The following PON3 variants were observed in gnomAD, a reference collection of about 807,000 sequenced individuals.
PON3 encodes the protein serum paraoxonase/lactonase 3.
A neutral mutation model predicts 36.3 loss-of-function variants in PON3; 37 were observed. The ratio of observed to expected loss-of-function variants is 1.02; its 90% CI spans 0.78 to 1.34. The LOEUF (loss-of-function observed/expected upper bound fraction) is 1.34. PON3 is among the 40% of genes most tolerant of loss of function. The probability of loss-of-function intolerance (pLI) is 0.00; values close to 1 mark genes in which losing one functional copy is unlikely to be tolerated. For synonymous variants in PON3, 155 were observed against 154.8 expected (o/e 1.00, Z -0.01); for missense variants, 415 against 426.5 (o/e 0.97, Z 0.24).
chr7:95,395,477 T>G (rs1809408688), intron 1 of PON3, among the ~76,000 whole-genome samples: 1 of 152,176 alleles, frequency 6.6e-6, no homozygotes, highest in South Asian at 2.1e-4. Context: ...GGAGCAAATG[T>G]AACAATAAAA....
rs1473681544 is a variant in PON3 at position 95,394,717 on chromosome 7, G to C, written c.75-3C>G. On this transcript the variant is annotated splice_polypyrimidine_tract_variant and splice_region_variant and intron_variant, in intron 1 of 8. Transcript: ENST00000265627. ...CTCGAGAGGCATTCACCCTTTCTCT[G>C]TAGAAGATAAAACCCAACCCTGGAA... is the stretch of plus-strand genomic sequence containing the variant. The C allele has an allele frequency of 6.2e-7, 1 of 1,613,830 alleles. No homozygotes were observed. The highest frequency in any genetic ancestry group is 8.5e-7 in the Non-Finnish European group (1 of 1,179,842).
intron 3 of PON3, among the ~76,000 whole-genome samples, chr7:95,382,875 C>T (rs1471338282): frequency 6.6e-6 from 1 of 152,192 alleles, no homozygotes; most frequent in African/African-American, 2.4e-5. Context: ...ATCCTGATAC[C>T]AAGGCCTGGC....
chr7:95,394,838 C>T (rs970940990), intron 1 of PON3, 124 bp from the exon 2 acceptor site: 4 of 789,576 alleles, frequency 5.1e-6, no homozygotes, highest in Non-Finnish European at 6.6e-6. Context: ...AATGACATAA[C>T]AAGTAAGTAG....
intron 3 of PON3, among the ~76,000 whole-genome samples, chr7:95,389,527 A>G (rs1391837822): frequency 6.6e-6 from 1 of 152,186 alleles, no homozygotes; most frequent in African/African-American, 2.4e-5. Context: ...AAAAATTTCA[A>G]CATCTCATAA....
chr7:95,372,183 G>C lies in PON3; in HGVS notation c.357C>G (p.Phe119Leu). 4 of 1,613,512 alleles carry C rather than the reference G, an allele frequency of 2.5e-6. No homozygotes were observed. The highest frequency in any genetic ancestry group is 3.4e-6 in the Non-Finnish European group (4 of 1,179,550). ...ELFNPHGISI[F>L]IDKDNTVYLY... ...ACATACAGGTTTTACCTTTGTCGAT[G>C]AAAATACTGATCCCATGTGGATTAA... is the stretch of plus-strand genomic sequence containing the variant. The change falls in exon 4 of 9, where the codon TTC becomes TTG. Residue 119 changes from phenylalanine to leucine, a missense_variant. Physicochemically the swap from Phe to Leu is conservative, Grantham distance 22. Transcript: ENST00000265627.
chr7:95,395,398 A>T (rs185394279), intron 1 of PON3, among the ~76,000 whole-genome samples: 275 of 151,756 alleles, frequency 1.8e-3, no homozygotes, highest in Non-Finnish European at 2.5e-3. Context: ...TCATTTATTT[A>T]AAAAAATACC....
intron 6 of PON3, 113 bp downstream of exon 6, chr7:95,363,750 T>G (rs756587648): frequency 2.1e-5 from 22 of 1,048,628 alleles, no homozygotes; most frequent in Non-Finnish European, 3.1e-5. Flanking sequence ...AACTGATCCC[T>G]CCACACATAT....
At chr7:95,363,581 T>C (rs557058807) in intron 6 of PON3, 9 of 455,744 alleles carry the variant, frequency 2.0e-5, no homozygotes, top group Middle Eastern at 6.4e-4. Flanking sequence ...TCTTCCTTTG[T>C]AGTGTGTTAG....
intron 3 of PON3, among the ~76,000 whole-genome samples, chr7:95,376,809 C>T (rs17878924): frequency 0.03 from 4,216 of 138,414 alleles, 102 homozygotes; most frequent in African/African-American, 0.074. Context: ...ACAGCTCCGG[C>T]CTGCGGCTCC....
intron 3 of PON3, 126 bp downstream of exon 3, chr7:95,390,028 T>C (rs1392393295): frequency 1.9e-6 from 2 of 1,042,246 alleles, no homozygotes; most frequent in African/African-American, 3.1e-5. Context: ...GCTTTTTTAG[T>C]TGACTGGTTT....
intron 3 of PON3, among the ~76,000 whole-genome samples, chr7:95,380,238 C>A (rs941002653): frequency 1.3e-5 from 2 of 152,094 alleles, no homozygotes; most frequent in African/African-American, 2.4e-5. Flanking sequence ...TAGATAAAAC[C>A]ACAAAGATGG....
At chr7:95,365,475 C>T (rs1230841408) in intron 5 of PON3, 1 of 152,224 alleles carries the variant, frequency 6.6e-6, no homozygotes, top group Non-Finnish European at 1.5e-5. Flanking sequence ...GTGGATAAAC[C>T]CTTCTCCCTT....
chr7:95,378,194 G>A (rs1562773754), intron 3 of PON3, among the ~76,000 whole-genome samples: 1 of 152,068 alleles, frequency 6.6e-6, no homozygotes, highest in Non-Finnish European at 1.5e-5. Flanking sequence ...AAAGTGAGAT[G>A]ACAAGATGAG....
intron 3 of PON3, among the ~76,000 whole-genome samples, chr7:95,386,209 A>C (rs1809186380): frequency 6.6e-6 from 1 of 152,154 alleles, no homozygotes; most frequent in South Asian, 2.1e-4. Flanking sequence ...CTTTTGAAAA[A>C]ATCAACAAAA....
intron 2 of PON3, among the ~76,000 whole-genome samples, chr7:95,393,756 T>C (rs1161752973): frequency 2.0e-5 from 3 of 152,062 alleles, no homozygotes; most frequent in Non-Finnish European, 4.4e-5. Flanking sequence ...TAAAATAGAT[T>C]TCAGCTTAGG....
chr7:95,382,380 C>CA (rs576849665), intron 3 of PON3, among the ~76,000 whole-genome samples: 2 of 151,856 alleles, frequency 1.3e-5, no homozygotes, highest in African/African-American at 4.8e-5. Context: ...GATAGAGACA[C>CA]AAAAAACCCT....
chr7:95,378,780 T>C (rs1808977255), intron 3 of PON3, among the ~76,000 whole-genome samples: 1 of 152,194 alleles, frequency 6.6e-6, no homozygotes, highest in Admixed American at 6.5e-5. Context: ...GAACAACCAG[T>C]ACCAGCCACT....
At chr7:95,393,735 C>T (rs183705060) in intron 2 of PON3, among the ~76,000 whole-genome samples, 3 of 152,080 alleles carry the variant, frequency 2.0e-5, no homozygotes, top group East Asian at 1.9e-4. Context: ...AGGGAGAAAA[C>T]GACAGAAATG....
intron 2 of PON3, among the ~76,000 whole-genome samples, chr7:95,393,566 G>A (rs1197225505): frequency 6.6e-6 from 1 of 152,154 alleles, no homozygotes; most frequent in Non-Finnish European, 1.5e-5. Flanking sequence ...AAGCAGGTGT[G>A]GCATTAACTA....
Sources: allele counts gnomAD v4.1 joint callset (sites outside exome capture counted in the v4.1 genomes callset), GRCh38; gene constraint gnomAD v4.1.1; transcripts MANE v1.5; gene names NCBI Gene and HGNC (gene_info 2026-07-23, HGNC 2026-07-21).